Variants in RNF31 observed in about 807,000 individuals in gnomAD.
RNF31 encodes ring finger protein 31, also known as E3 ubiquitin-protein ligase RNF31.
A neutral mutation model predicts 133.6 loss-of-function variants in RNF31; 38 were observed. That is an observed-to-expected ratio of 0.28 (90% CI 0.22 to 0.37). RNF31 has a LOEUF of 0.37. RNF31 is among the 10% of genes least tolerant of loss of function. The probability of loss-of-function intolerance (pLI) is 1.00; values close to 1 mark genes in which losing one functional copy is unlikely to be tolerated. For missense variants in RNF31, 1,118 were observed against 1,394.1 expected, an observed-to-expected ratio of 0.80 and a Z score of 3.15; for synonymous variants, 582 against 552.3, an observed-to-expected ratio of 1.05 and a Z score of -0.75.
At chr14:24,152,109 T>G (rs954169474) in intron 11 of RNF31, 117 bp downstream of exon 11, 10 of 986,044 alleles carry the variant, frequency 1.0e-5, no homozygotes, top group Non-Finnish European at 1.5e-5. Context: ...CATATACCCC[T>G]GAAGGCTCCT....
chr14:24,160,076 A>T lies in RNF31; in HGVS notation c.2996+116A>T. 11 of 1,320,648 alleles carry T rather than the reference A, an allele frequency of 8.3e-6. No homozygotes were observed. The highest frequency in any genetic ancestry group is 3.7e-5 in the Admixed American group (2 of 53,644). 81.8% of individuals were successfully genotyped at this position (1,320,648 alleles called of 1,614,324 possible). A position where few individuals can be genotyped will look rare whatever the true frequency, so the allele number is the denominator to read the frequency against. On this transcript the variant is annotated intron_variant, in intron 19 of 20. Coordinates refer to ENST00000324103, the MANE Select transcript of RNF31 (RefSeq NM_017999.5). The surrounding 1 kb of genome is among the most constrained non-coding windows in gnomAD (Gnocchi z 4.0). Reference sequence around the variant, plus strand: ...GTAGGTCTTGCAGTGGGTGGGAGGGAGGAGGCTTTCTGGGCAAGGGCATGG... The same window carrying T: ...GTAGGTCTTGCAGTGGGTGGGAGGGTGGAGGCTTTCTGGGCAAGGGCATGG...
chr14:24,150,196 T>G lies in RNF31; in HGVS notation c.945T>G (p.Pro315=), dbSNP rs2038241464. Residue 315 remains proline, a synonymous_variant, in exon 7 of 21, where the codon CCT becomes CCG. Coordinates refer to ENST00000324103, the MANE Select transcript of RNF31 (RefSeq NM_017999.5). ...HCAACAMLNE[P]WAVLCVACDR... is the part of the protein sequence containing the mutation. ...CTGCCTGTGCCATGCTAAATGAGCCTTGGGCAGTGCTCTGTGTGGCCTGTG... is the reference window on the plus strand; with the variant it reads ...CTGCCTGTGCCATGCTAAATGAGCCGTGGGCAGTGCTCTGTGTGGCCTGTG... The G allele has an allele frequency of 2.5e-6, 4 of 1,614,096 alleles. No individual in the cohort carries two copies. The highest frequency in any genetic ancestry group is 2.7e-5 in the African/African-American group (2 of 74,938).
In RNF31 at chr14:24,150,601, G is replaced by C. The variant is rs372245499; in HGVS notation, c.1201G>C (p.Gly401Arg). ...AGICLQPLQQ[G>R]DALLASAQSQ... ...ATAATTCTCTCTGCCTTCCCAGCAG[G>C]GGGATGCTTTGCTGGCCTCTGCCCA... Residue 401 changes from glycine (G) to arginine (R), a missense_variant, in exon 8 of 21, where the codon GGG (glycine) becomes CGG (arginine). This residue lies in a region of RNF31 where 747 missense variants were observed against 827.9 expected (regional missense o/e 0.90). Coordinates refer to ENST00000324103, the MANE Select transcript of RNF31 (RefSeq NM_017999.5). 1.7e-5 allele frequency: 28 copies of C among 1,606,596 alleles called. No individual in the cohort carries two copies. Among genetic ancestry groups the C allele is most frequent in the African/African-American group, 1.6e-4 (12 of 74,922 alleles).
At chr14:24,150,520 A>G (rs1594376066) in intron 7 of RNF31, 72 bp downstream of exon 7, 1 of 1,574,766 alleles carries the variant, frequency 6.4e-7, no homozygotes, top group African/African-American at 1.3e-5. Flanking sequence ...GTTTTCCTTC[A>G]GTTCCTCCCA....
rs1281657874 is a variant in RNF31, at chr14:24,149,477, G to A, written c.703G>A (p.Ala235Thr). Residue 235 changes from alanine (A) to threonine (T), a missense_variant, in exon 6 of 21, where the codon GCC becomes ACC. Ala to Thr is a moderately conservative substitution (Grantham distance 58). Transcript: ENST00000324103. ...GTLHCPSCKQ[A>T]LCPACDHLFH... ...ACTGCACTGCCCATCCTGTAAACAG[G>A]CCCTGTGTCCAGCCTGTGACCACCT... 6.2e-7 allele frequency: 1 copy of A among 1,614,006 alleles called. No individual in the cohort carries two copies. Among genetic ancestry groups the A allele is most frequent in the African/African-American group, 1.3e-5 (1 of 74,880 alleles).
chr14:24,157,671 G>C (rs754044916), intron 16 of RNF31, 33 bp downstream of exon 16: 1 of 1,581,474 alleles, frequency 6.3e-7, no homozygotes. Context: ...GGGGTGGAAG[G>C]GTGGGGGGTG....
Position 24,155,429 on chromosome 14 carries a change from G to A in RNF31, c.2320G>A (p.Glu774Lys). 2 of 1,614,120 alleles carry A rather than the reference G, an allele frequency of 1.2e-6. No homozygotes were observed. Among genetic ancestry groups the A allele is most frequent in the Non-Finnish European group, 1.7e-6 (2 of 1,180,014 alleles). Reference protein sequence around the residue: ...TLDIQLRESLEPDAYALFHKK... With the variant: ...TLDIQLRESLKPDAYALFHKK... ...CTGTCCCCAGCTTCGCGAGAGCCTA[G>A]AGCCAGATGCCTATGCGTTGTTCCA... The change falls in exon 13 of 21, where the codon GAG becomes AAG. Residue 774 changes from glutamate to lysine, a missense_variant. Glu to Lys is a moderately conservative substitution (Grantham distance 56). Coordinates refer to ENST00000324103, the MANE Select transcript of RNF31 (RefSeq NM_017999.5). This position sits in a 1 kb window ranked among gnomAD's most constrained non-coding sequence, Gnocchi z 4.9.
In RNF31 at chr14:24,155,545, G is replaced by C; in HGVS notation, c.2403+33G>C. The C allele has an allele frequency of 6.2e-7, 1 of 1,613,284 alleles. No homozygotes were observed. Among genetic ancestry groups the C allele is most frequent in the Non-Finnish European group, 8.5e-7 (1 of 1,179,170 alleles). On this transcript the variant is annotated intron_variant, in intron 13 of 20. Coordinates refer to ENST00000324103, the MANE Select transcript of RNF31 (RefSeq NM_017999.5). This position sits in a 1 kb window ranked among gnomAD's most constrained non-coding sequence, Gnocchi z 4.9. ...GCCTGCCCAGGGCAGCTACTGTGGA[G>C]GGGCAGGGGATGGTTCCAGGTCAGG...
Position 24,155,121 on chromosome 14 carries a change from T to TTCG in RNF31, c.2131-34_2131-33insGTC. ...TCTTCCCTAGCCTGGCAGCTGTGGC[T>TTCG]TCTGACCCCCTCCCCTCCAACCCCT... On this transcript the variant is annotated intron_variant, in intron 11 of 20. Transcript: ENST00000324103. The surrounding 1 kb of genome is among the most constrained non-coding windows in gnomAD (Gnocchi z 4.9). 2 of 1,602,276 alleles carry TTCG rather than the reference T, an allele frequency of 1.2e-6. No individual in the cohort carries two copies. Among genetic ancestry groups the TTCG allele is most frequent in the Non-Finnish European group, 1.7e-6 (2 of 1,171,252 alleles).
chr14:24,148,459 G>A, intron 3 of RNF31, 46 bp downstream of exon 3: 2 of 1,613,244 alleles, frequency 1.2e-6, no homozygotes, highest in Non-Finnish European at 1.7e-6. Context: ...CCAGGGCTGG[G>A]GAGCCCAGCC....
rs777146922 is a variant in RNF31 at position 24,148,302 on chromosome 14, A to G, written c.384A>G (p.Gln128=). 6.2e-7 allele frequency: 1 copy of G among 1,614,224 alleles called. No individual in the cohort carries two copies. Among genetic ancestry groups the G allele is most frequent in the Non-Finnish European group, 8.5e-7 (1 of 1,180,038 alleles). ...VLRLYGYTEE[Q]PDGLSFPEGQ... The stretch of plus-strand genomic sequence containing the variant: ...GATTATATGGCTACACAGAGGAGCA[A>G]CCAGATGGGTTGAGCTTCCCCGAAG... The change falls in exon 3 of 21, where the codon CAA becomes CAG. Residue 128 remains glutamine, a synonymous_variant. Coordinates refer to ENST00000324103, the MANE Select transcript of RNF31 (RefSeq NM_017999.5).
intron 14 of RNF31, among the ~76,000 whole-genome samples, 175 bp from the exon 15 acceptor site, chr14:24,157,115 G>C (rs2038351873): frequency 6.6e-6 from 1 of 152,172 alleles, no homozygotes; most frequent in Admixed American, 6.5e-5. Context: ...AGTGTGAGGT[G>C]GTAGGAGAAA....
chr14:24,153,096 G>C (rs2038292281), intron 11 of RNF31, among the ~76,000 whole-genome samples: 1 of 150,384 alleles, frequency 6.6e-6, no homozygotes, highest in Admixed American at 6.6e-5. Flanking sequence ...AAAAAAAAAA[G>C]AATTACTGTT....
In RNF31 at chr14:24,148,089, C is replaced by G; in HGVS notation, c.306C>G (p.Asn102Lys). The change falls in exon 2 of 21, where the codon AAC (asparagine) becomes AAG (lysine). Residue 102 changes from asparagine to lysine, a missense_variant. By Grantham distance (94) the Asn-to-Lys change is moderately conservative. Around this residue, in one of 3 missense-constraint regions of RNF31, gnomAD observed 747 missense variants for 827.9 expected, o/e 0.90. Transcript: ENST00000324103. ...PRYWRGVKFN[N>K]PVFRSTVDAV... The stretch of plus-strand genomic sequence containing the variant: ...ACTGGCGTGGTGTCAAGTTTAATAA[C>G]CCTGTCTTTCGCAGCACGGTGGATG... 5.6e-6 allele frequency: 9 copies of G among 1,614,230 alleles called. No homozygotes were observed. The highest frequency in any genetic ancestry group is 7.6e-6 in the Non-Finnish European group (9 of 1,180,046).
chr14:24,158,343 C>T (rs150896124), intron 18 of RNF31, 144 bp downstream of exon 18: 21 of 723,960 alleles, frequency 2.9e-5, no homozygotes, highest in East Asian at 1.3e-4. Context: ...TTGTTTCTTC[C>T]GCTGTAAAAT....
In RNF31 at chr14:24,149,125, G is replaced by A. The variant is rs138293863; in HGVS notation, c.631+249G>A. ...ATTACAGGCATGCGCCACCGCGCTC[G>A]GCTAATTTTGTATTTTTGGTAGAGA... On this transcript the variant is annotated intron_variant, in intron 5 of 20. Transcript: ENST00000324103. 1,334 of 593,158 alleles carry A rather than the reference G, an allele frequency of 2.2e-3. 24 individuals carry two copies. In the East Asian group the frequency reaches 0.033, roughly 15 times the overall value. The allele number at this position is 593,158 out of a possible 1,614,324, so 36.7% of individuals were successfully genotyped here. A position where few individuals can be genotyped will look rare whatever the true frequency, so the allele number is the denominator to read the frequency against.
intron 11 of RNF31, among the ~76,000 whole-genome samples, chr14:24,152,563 C>T (rs2038282459): frequency 7.3e-6 from 1 of 137,822 alleles, no homozygotes; most frequent in African/African-American, 2.6e-5. Flanking sequence ...GGATTACAGG[C>T]ACCCGCCACC....
At chr14:24,149,341 C>A in intron 5 of RNF31, 65 bp from the exon 6 acceptor site, 2 of 1,501,250 alleles carry the variant, frequency 1.3e-6, no homozygotes, top group Non-Finnish European at 1.8e-6. Flanking sequence ...TTGCCCCCAT[C>A]CACAGCAGAT....
intron 11 of RNF31, among the ~76,000 whole-genome samples, chr14:24,153,260 C>G (rs539786542): frequency 2.0e-5 from 3 of 151,744 alleles, no homozygotes; most frequent in South Asian, 4.2e-4. Context: ...GCATGGGCAA[C>G]ATAACAAGAC....
Sources: allele counts gnomAD v4.1 joint callset (sites outside exome capture counted in the v4.1 genomes callset), GRCh38; gene constraint gnomAD v4.1.1; regional missense constraint gnomAD v4.1.1; non-coding constraint Gnocchi (gnomAD v3.1); transcripts MANE v1.5; gene names NCBI Gene and HGNC (gene_info 2026-07-23, HGNC 2026-07-21).